Variants in DHX15 observed in about 807,000 individuals in gnomAD.
DHX15 encodes DEAH-box helicase 15, also known as ATP-dependent RNA helicase DHX15.
In DHX15, 11 loss-of-function variants were observed where a neutral mutation model predicts 94.4. The ratio of observed to expected loss-of-function variants is 0.12; its 90% CI spans 0.07 to 0.19. The LOEUF (loss-of-function observed/expected upper bound fraction) is 0.19. Ranked by LOEUF, DHX15 falls within the 10% of genes least tolerant of loss-of-function variation. DHX15 has a pLI of 1.00. For missense variants in DHX15, 304 were observed against 988.5 expected (o/e 0.31, Z 9.29); for synonymous variants, 338 against 329.9 (o/e 1.02, Z -0.27).
At chr4:24,548,772 C>A (rs756953623) in intron 6 of DHX15, 83 bp downstream of exon 6, 5 of 1,317,602 alleles carry the variant, frequency 3.8e-6, no homozygotes, top group Non-Finnish European at 5.2e-6. Context: ...TCACCCATAA[C>A]TTAGTCCTTT....
At chr4:24,573,567 T>C (rs1486965391) in intron 2 of DHX15, among the ~76,000 whole-genome samples, 2 of 151,830 alleles carry the variant, frequency 1.3e-5, no homozygotes, top group Non-Finnish European at 2.9e-5. Flanking sequence ...ACTTTTGTTA[T>C]GAGCTCTTAC....
intron 1 of DHX15, among the ~76,000 whole-genome samples, chr4:24,579,667 T>C (rs1722361398): frequency 6.6e-6 from 1 of 152,346 alleles, no homozygotes; most frequent in South Asian, 2.1e-4. Context: ...GCTATCAATA[T>C]GTTTTGTAGA....
chr4:24,582,756 T>A (rs981148494), intron 1 of DHX15, among the ~76,000 whole-genome samples: 1 of 152,184 alleles, frequency 6.6e-6, no homozygotes, highest in Non-Finnish European at 1.5e-5. Flanking sequence ...CATTCCTTGA[T>A]TGGAGCCGCG....
At chr4:24,546,763 G>A (rs1374543748) in intron 6 of DHX15, among the ~76,000 whole-genome samples, 2 of 152,080 alleles carry the variant, frequency 1.3e-5, no homozygotes, top group Admixed American at 6.5e-5. Flanking sequence ...CCTTATAAAA[G>A]GGACTCAAAT....
intron 2 of DHX15, among the ~76,000 whole-genome samples, chr4:24,573,343 T>C (rs1010513469): frequency 6.6e-6 from 1 of 152,248 alleles, no homozygotes; most frequent in Non-Finnish European, 1.5e-5. Flanking sequence ...TTATATGTTC[T>C]AACTTCTAAT....
chr4:24,555,171 T>G (rs948714705), intron 4 of DHX15, among the ~76,000 whole-genome samples: 4 of 152,144 alleles, frequency 2.6e-5, no homozygotes, highest in Non-Finnish European at 4.4e-5. Flanking sequence ...ACAGCATTTC[T>G]TCATAAAATA....
Position 24,554,721 on chromosome 4 carries a change from A to C in DHX15, c.1080+4T>G. 1 of 1,607,656 alleles carries C rather than the reference A, an allele frequency of 6.2e-7. No homozygotes were observed. The highest frequency in any genetic ancestry group is 2.2e-5 in the East Asian group (1 of 44,762). ...CTAAATAATGAAGAAAATTAAAACA[A>C]TACCTCTTGACCAGTTAAGAAAAGA... On this transcript the variant is annotated splice_donor_region_variant and intron_variant, in intron 5 of 13. Transcript: ENST00000336812.
intron 5 of DHX15, among the ~76,000 whole-genome samples, chr4:24,549,681 T>C (rs915833325): frequency 6.6e-6 from 1 of 152,200 alleles, no homozygotes; most frequent in Non-Finnish European, 1.5e-5. Flanking sequence ...GTATAGCCTA[T>C]TGCTCCCTAG....
Position 24,576,232 on chromosome 4 carries a change from C to T in DHX15, c.507+11G>A. The T allele has an allele frequency of 1.9e-6, 3 of 1,604,100 alleles. No individual in the cohort carries two copies. Among genetic ancestry groups the T allele is most frequent in the Non-Finnish European group, 2.6e-6 (3 of 1,171,622 alleles). On this transcript the variant is annotated intron_variant, in intron 2 of 13. Transcript: ENST00000336812. ...TAAATGAAATATGTACCATGGTATACAATAACTCACCTGTGTTGTTTTACC... is the reference window on the plus strand; with the variant it reads ...TAAATGAAATATGTACCATGGTATATAATAACTCACCTGTGTTGTTTTACC...
intron 3 of DHX15, among the ~76,000 whole-genome samples, chr4:24,561,781 T>C (rs1455364811): frequency 2.0e-5 from 3 of 152,022 alleles, no homozygotes; most frequent in East Asian, 1.9e-4. Flanking sequence ...AACCAGAGGA[T>C]GGAGGGTGGG....
chr4:24,551,829 T>A (rs1483554816), intron 5 of DHX15, among the ~76,000 whole-genome samples: 1 of 152,210 alleles, frequency 6.6e-6, no homozygotes, highest in Non-Finnish European at 1.5e-5. Flanking sequence ...TCACAAAATA[T>A]CCAGATTTCA....
chr4:24,553,317 A>G (rs1721653799), intron 5 of DHX15, among the ~76,000 whole-genome samples: 4 of 151,982 alleles, frequency 2.6e-5, no homozygotes, highest in Admixed American at 2.0e-4. Context: ...GCAAAACTCC[A>G]TCTCAAATAA....
At position 24,527,606 on chromosome 4, in the gene DHX15, A is replaced by G; in HGVS notation, c.*318T>C. On this transcript the variant is annotated 3_prime_UTR_variant, in exon 14 of 14. Coordinates refer to ENST00000336812, the MANE Select transcript of DHX15 (RefSeq NM_001358.3). ...AACAATTACAACGATCATGCATACC[A>G]TGGTCGATAATCACATTTTAGAAGC... 1 of 229,720 alleles carries G rather than the reference A, an allele frequency of 4.4e-6. No individual in the cohort carries two copies. Among genetic ancestry groups the G allele is most frequent in the South Asian group, 1.0e-4 (1 of 9,710 alleles). The allele number at this position is 229,720 out of a possible 1,614,324, so 14.2% of individuals were successfully genotyped here.
rs773135298 is a variant in DHX15, at chr4:24,576,387, T to C, written c.363A>G (p.Leu121=). Reference sequence around the variant, plus strand: ...TATCATAGTATCGAGGAGTATGGGGTAAGTTGGTGAACGGATTAATGCACT... The same window carrying C: ...TATCATAGTATCGAGGAGTATGGGGCAAGTTGGTGAACGGATTAATGCACT... The part of the protein sequence containing the change: ...LPQCINPFTN[L]PHTPRYYDIL... The change falls in exon 2 of 14, where the codon TTA becomes TTG. Residue 121 remains leucine, a synonymous_variant. Transcript: ENST00000336812. The C allele has an allele frequency of 3.1e-6, 5 of 1,614,086 alleles. No homozygotes were observed. The South Asian group carries it at 5.5e-5, about 18-fold the overall frequency.
intron 5 of DHX15, among the ~76,000 whole-genome samples, chr4:24,549,496 A>G (rs751360124): frequency 6.6e-5 from 10 of 152,244 alleles, no homozygotes; most frequent in East Asian, 1.9e-4. Flanking sequence ...ACACCTTTAC[A>G]GTATCAACAC....
intron 6 of DHX15, among the ~76,000 whole-genome samples, chr4:24,544,734 C>T (rs948065484): frequency 1.2e-4 from 19 of 152,194 alleles, no homozygotes; most frequent in Non-Finnish European, 1.5e-5. Context: ...GCTTGTATTC[C>T]TTTTATAACT....
At chr4:24,578,302 A>C (rs1253225986) in intron 1 of DHX15, among the ~76,000 whole-genome samples, 1 of 152,236 alleles carries the variant, frequency 6.6e-6, no homozygotes, top group Non-Finnish European at 1.5e-5. Flanking sequence ...TTCTGGCCTA[A>C]GGTGACTGTT....
chr4:24,571,879 A>G (rs1321381023), intron 2 of DHX15, among the ~76,000 whole-genome samples: 1 of 152,218 alleles, frequency 6.6e-6, no homozygotes, highest in Non-Finnish European at 1.5e-5. Context: ...AAAATCATAT[A>G]TATCTTTAAA....
intron 2 of DHX15, 129 bp downstream of exon 2, chr4:24,576,114 A>T: frequency 1.4e-6 from 1 of 710,404 alleles, no homozygotes; most frequent in South Asian, 1.9e-5. Flanking sequence ...TGCCAATTAA[A>T]CATCAAATCA....
Sources: gnomAD v4.1 joint callset for allele counts (sites outside exome capture counted in the v4.1 genomes callset) on GRCh38, gnomAD v4.1.1 for gene constraint, MANE v1.5 for transcripts, NCBI Gene and HGNC (gene_info 2026-07-23, HGNC 2026-07-21) for gene names.